The following DLG1 variants were observed in gnomAD, a reference collection of about 807,000 sequenced individuals.
DLG1 encodes disks large homolog 1.
DLG1 carries 42 observed loss-of-function variants against 123.4 expected under a neutral mutation model. The observed-to-expected ratio is 0.34, with a 90% confidence interval of 0.27 to 0.44. DLG1 has a LOEUF of 0.44. Ranked by LOEUF, DLG1 falls within the 20% of genes least tolerant of loss-of-function variation. DLG1 has a pLI of 1.00. For synonymous variants in DLG1, 317 were observed against 356.2 expected (o/e 0.89, Z 1.24); for missense variants, 942 against 1,082.6 (o/e 0.87, Z 1.82).
intron 4 of DLG1, among the ~76,000 whole-genome samples, chr3:197,212,084 T>C (rs375771990): frequency 6.8e-6 from 1 of 146,142 alleles, no homozygotes; most frequent in African/African-American, 2.4e-5. Context: ...TGGGATCTAC[T>C]TGAGGGTGGA....
intron 11 of DLG1, among the ~76,000 whole-genome samples, chr3:197,129,871 G>C (rs537715544): frequency 6.6e-6 from 1 of 152,158 alleles, no homozygotes; most frequent in Admixed American, 6.5e-5. Context: ...TGTCTTATAT[G>C]AGTGTGGTTG....
intron 13 of DLG1, among the ~76,000 whole-genome samples, chr3:197,114,658 C>T (rs187531124): frequency 3.2e-4 from 48 of 152,226 alleles, no homozygotes; most frequent in Non-Finnish European, 6.3e-4. Flanking sequence ...GTTTTACTAG[C>T]ATGTAGCATG....
intron 12 of DLG1, among the ~76,000 whole-genome samples, chr3:197,118,757 T>C (rs1774666722): frequency 6.6e-6 from 1 of 152,180 alleles, no homozygotes; most frequent in Non-Finnish European, 1.5e-5. Flanking sequence ...AAAAAGACAG[T>C]TAATCTATAC....
chr3:197,076,523 A>C lies in DLG1; in HGVS notation c.2005+63T>G, dbSNP rs1394375130. On this transcript the variant is annotated intron_variant, in intron 18 of 24. Transcript: ENST00000667157. ...GAAACTGTCTCCATGGTAACAACCA[A>C]CTGCAGGGCAGTAGGTCCCTCTCCA... 1.0e-5 allele frequency: 13 copies of C among 1,284,750 alleles called. No homozygotes were observed. In the African/African-American group the frequency reaches 1.2e-4, roughly 12 times the overall value. The allele number at this position is 1,284,750 out of a possible 1,614,324, so 79.6% of individuals were successfully genotyped here.
intron 20 of DLG1, 88 bp downstream of exon 20, chr3:197,066,616 C>A: frequency 2.0e-6 from 2 of 995,380 alleles, no homozygotes; most frequent in South Asian, 1.7e-5. Context: ...TTTAATACAA[C>A]ATTTTTTGGG....
At chr3:197,063,404 T>A (rs1737214722) in intron 22 of DLG1, among the ~76,000 whole-genome samples, 1 of 152,184 alleles carries the variant, frequency 6.6e-6, no homozygotes, top group South Asian at 2.1e-4. Flanking sequence ...ATTCCCTCTC[T>A]ACATCACTCC....
intron 4 of DLG1, among the ~76,000 whole-genome samples, chr3:197,235,840 T>C (rs1200896355): frequency 6.6e-6 from 1 of 152,092 alleles, no homozygotes. Context: ...ATGACAGAAT[T>C]AGCAGATAAA....
chr3:197,264,945 C>T (rs139505699), intron 4 of DLG1, among the ~76,000 whole-genome samples: 2 of 152,264 alleles, frequency 1.3e-5, no homozygotes, highest in African/African-American at 4.8e-5. Context: ...TAACCCCTTA[C>T]TATATTATTT....
chr3:197,267,822 G>A (rs145045865), intron 4 of DLG1, among the ~76,000 whole-genome samples: 141 of 152,024 alleles, frequency 9.3e-4, no homozygotes, highest in African/African-American at 3.3e-3. Flanking sequence ...ATTACTTTGG[G>A]TCCTACTGAG....
chr3:197,157,935 C>T (rs536587057), intron 5 of DLG1, among the ~76,000 whole-genome samples: 10 of 152,232 alleles, frequency 6.6e-5, no homozygotes, highest in African/African-American at 2.4e-4. Flanking sequence ...AAACCTAAAA[C>T]TTAAAACTGT....
At chr3:197,297,448 AAGTCG>A (rs1778014684) in intron 1 of DLG1, 1 of 1,378,374 alleles carries the variant, frequency 7.3e-7, no homozygotes, top group East Asian at 2.8e-5. Context: ...GAACAGACAG[AAGTCG>A]GCTTCCAAAC....
At chr3:197,122,841 G>T (rs1777152916) in intron 11 of DLG1, among the ~76,000 whole-genome samples, 1 of 152,010 alleles carries the variant, frequency 6.6e-6, no homozygotes, top group African/African-American at 2.4e-5. Flanking sequence ...AAACCGATCT[G>T]TAATGTTTTT....
intron 11 of DLG1, among the ~76,000 whole-genome samples, chr3:197,120,842 C>T (rs549838650): frequency 3.9e-5 from 6 of 152,200 alleles, no homozygotes; most frequent in Non-Finnish European, 5.9e-5. Flanking sequence ...ATAAGATGCT[C>T]GTTTGTATTT....
intron 11 of DLG1, among the ~76,000 whole-genome samples, chr3:197,124,610 G>T (rs1778092791): frequency 6.6e-6 from 1 of 151,964 alleles, no homozygotes; most frequent in Admixed American, 6.6e-5. Flanking sequence ...TGTTGCCCAG[G>T]CTGGAGTGCA....
At chr3:197,278,159 T>C (rs1408879417) in intron 4 of DLG1, among the ~76,000 whole-genome samples, 1 of 151,396 alleles carries the variant, frequency 6.6e-6, no homozygotes, top group Non-Finnish European at 1.5e-5. Flanking sequence ...TGGTGGGTGC[T>C]GTAATCCCAG....
At chr3:197,048,485 A>G (rs1472257588) in intron 24 of DLG1, among the ~76,000 whole-genome samples, 1 of 152,116 alleles carries the variant, frequency 6.6e-6, no homozygotes, top group African/African-American at 2.4e-5. Context: ...ACACACGCAA[A>G]CCATAATGAA....
intron 4 of DLG1, among the ~76,000 whole-genome samples, chr3:197,205,641 C>A (rs529040721): frequency 1.5e-3 from 222 of 152,256 alleles, no homozygotes; most frequent in Non-Finnish European, 2.1e-3. Flanking sequence ...CTACTATAAA[C>A]CAAACTAAAA....
At chr3:197,129,790 C>T (rs929727082) in intron 11 of DLG1, among the ~76,000 whole-genome samples, 1 of 151,882 alleles carries the variant, frequency 6.6e-6, no homozygotes, top group African/African-American at 2.4e-5. Context: ...CCGAGGAGAG[C>T]GAGGGAGATA....
chr3:197,198,089 C>G (rs999695706), intron 4 of DLG1, among the ~76,000 whole-genome samples: 2 of 151,900 alleles, frequency 1.3e-5, no homozygotes, highest in African/African-American at 4.8e-5. Context: ...TTAAAAGCAT[C>G]AGCAACCAAA....
Sources: gnomAD v4.1 joint callset for allele counts (sites outside exome capture counted in the v4.1 genomes callset) on GRCh38, gnomAD v4.1.1 for gene constraint, MANE v1.5 for transcripts, NCBI Gene and HGNC (gene_info 2026-07-23, HGNC 2026-07-21) for gene names.